DOCK8: variants seen among roughly 807,000 people sequenced by gnomAD.
The protein encoded by DOCK8 is dedicator of cytokinesis 8, also known as dedicator of cytokinesis protein 8.
In DOCK8, 141 loss-of-function variants were observed where a neutral mutation model predicts 245.6. That is an observed-to-expected ratio of 0.57 (90% CI 0.50 to 0.66). The LOEUF (loss-of-function observed/expected upper bound fraction) is 0.66. Ranked by LOEUF, DOCK8 falls within the 30% of genes least tolerant of loss-of-function variation. DOCK8 has a pLI of 0.00. For synonymous variants in DOCK8, 1,168 were observed against 970.2 expected, an observed-to-expected ratio of 1.20 and a Z score of -3.79; for missense variants, 2,965 against 2,603.4, an observed-to-expected ratio of 1.14 and a Z score of -3.02.
At chr9:297,839 T>C (rs1035552401) in intron 4 of DOCK8, among the ~76,000 whole-genome samples, 15 of 152,228 alleles carry the variant, frequency 9.9e-5, no homozygotes, top group Non-Finnish European at 5.9e-5. Context: ...GAAAGTTTGC[T>C]CTGGTTTCAA....
intron 46 of DOCK8, chr9:459,608 GGC>G (rs2057742444): frequency 6.6e-6 from 1 of 152,246 alleles, no homozygotes; most frequent in Admixed American, 6.5e-5. Context: ...GGTGTATTGT[GGC>G]CATGAGAATG....
At chr9:409,470 C>G (rs2055606626) in intron 28 of DOCK8, among the ~76,000 whole-genome samples, 1 of 152,058 alleles carries the variant, frequency 6.6e-6, no homozygotes. Flanking sequence ...GAGTCTGAGT[C>G]ATTTAAAATT....
intron 1 of DOCK8, among the ~76,000 whole-genome samples, chr9:238,212 G>A (rs1450160477): frequency 6.6e-6 from 1 of 152,200 alleles, no homozygotes; most frequent in East Asian, 1.9e-4. Flanking sequence ...TTGAGTCTGA[G>A]TTTGGGGATA....
At chr9:327,875 A>G in intron 8 of DOCK8, 147 bp from the exon 9 acceptor site, 1 of 739,544 alleles carries the variant, frequency 1.4e-6, no homozygotes, top group Middle Eastern at 3.6e-4. Flanking sequence ...AGATTTATCC[A>G]GGAGCCACTT....
chr9:221,655 T>C (rs1032394672), intron 1 of DOCK8, among the ~76,000 whole-genome samples: 1 of 128,822 alleles, frequency 7.8e-6, no homozygotes, highest in African/African-American at 3.0e-5. Context: ...CTACTAAAAG[T>C]ACAAAAAAAA....
intron 1 of DOCK8, among the ~76,000 whole-genome samples, chr9:256,856 G>C (rs560468254): frequency 6.6e-6 from 1 of 152,180 alleles, no homozygotes; most frequent in African/African-American, 2.4e-5. Context: ...CCAGAACTTT[G>C]AGCAAGTGCA....
chr9:386,853 G>T (rs2053977655), intron 23 of DOCK8, among the ~76,000 whole-genome samples: 1 of 152,172 alleles, frequency 6.6e-6, no homozygotes, highest in Non-Finnish European at 1.5e-5. Flanking sequence ...CTTGACAAAA[G>T]TGAATGGCAA....
intron 1 of DOCK8, among the ~76,000 whole-genome samples, chr9:225,758 A>G (rs1437448114): frequency 1.3e-5 from 2 of 152,186 alleles, no homozygotes; most frequent in African/African-American, 4.8e-5. Context: ...TGATACAGAG[A>G]ATGTAAACGG....
intron 24 of DOCK8, among the ~76,000 whole-genome samples, chr9:393,168 A>G (rs1448434422): frequency 6.6e-6 from 1 of 151,942 alleles, no homozygotes; most frequent in African/African-American, 2.4e-5. Context: ...GATAATTCAT[A>G]CAAATAATTC....
intron 23 of DOCK8, 145 bp from the exon 24 acceptor site, chr9:390,326 A>C: frequency 1.3e-6 from 1 of 762,556 alleles, no homozygotes; most frequent in South Asian, 1.5e-5. Context: ...TTTGCCATCC[A>C]CCACTTACTG....
chr9:358,916 G>T lies in DOCK8; in HGVS notation c.1680-9102G>T, dbSNP rs1454836957. On this transcript the variant is annotated intron_variant, in intron 14 of 47. Coordinates refer to ENST00000432829, the MANE Select transcript of DOCK8 (RefSeq NM_203447.4). ...AGCTGCCTAGCAGCCAAGCAATAAA[G>T]GGAATCACAATGAACGATAAGATTC... Among the ~76,000 whole-genome samples, 3 of 152,246 alleles carry T rather than the reference G, an allele frequency of 2.0e-5. 1 individual carries two copies. Among genetic ancestry groups the T allele is most frequent in the Admixed American group, 2.0e-4 (3 of 15,298 alleles).
intron 14 of DOCK8, among the ~76,000 whole-genome samples, chr9:348,799 C>T (rs1025925785): frequency 1.3e-5 from 2 of 152,156 alleles, no homozygotes; most frequent in African/African-American, 4.8e-5. Flanking sequence ...ACTGTTTAGT[C>T]TTATTTCTTT....
chr9:336,611 T>G lies in DOCK8; in HGVS notation c.1315T>G (p.Leu439Val), dbSNP rs763830116. The G allele has an allele frequency of 5.6e-6, 9 of 1,614,078 alleles. No individual in the cohort carries two copies. The highest frequency in any genetic ancestry group is 2.7e-5 in the African/African-American group (2 of 74,934). The change falls in exon 12 of 48, where the codon TTG (leucine) becomes GTG (valine). Residue 439 changes from leucine to valine, a missense_variant. Coordinates refer to ENST00000432829, the MANE Select transcript of DOCK8 (RefSeq NM_203447.4). ...AAGCTCAGTGGGTGAACGGAGGACA[T>G]TGGCCCAATCTAGAAGGCTTTCTGA... is the stretch of plus-strand genomic sequence containing the variant. ...GRSSVGERRTLAQSRRLSERA... is the reference protein window; with the variant it reads ...GRSSVGERRTVAQSRRLSERA...
chr9:400,851 TCACCACCTCCTCCACC>T (rs2054971279), intron 26 of DOCK8, among the ~76,000 whole-genome samples: 2 of 10,116 alleles, frequency 2.0e-4, no homozygotes, highest in Non-Finnish European at 3.3e-4. Context: ...ACCTCCACCA[TCACCACCTCCTCCACC>T]ATCACCACCA....
chr9:247,783 C>G (rs1382950704), intron 1 of DOCK8, among the ~76,000 whole-genome samples: 1 of 152,092 alleles, frequency 6.6e-6, no homozygotes, highest in Non-Finnish European at 1.5e-5. Flanking sequence ...GTGATCCACC[C>G]TCCTCGGCCT....
chr9:247,489 G>A (rs1478882847), intron 1 of DOCK8, among the ~76,000 whole-genome samples: 2 of 151,986 alleles, frequency 1.3e-5, no homozygotes, highest in African/African-American at 4.8e-5. Flanking sequence ...AGTACACTTA[G>A]TGCCTAGTAA....
At chr9:365,231 C>T (rs184029378) in intron 14 of DOCK8, among the ~76,000 whole-genome samples, 1 of 152,158 alleles carries the variant, frequency 6.6e-6, no homozygotes, top group Admixed American at 6.5e-5. Context: ...GTGTAGAAGT[C>T]AAGATCTATT....
upstream of DOCK8, chr9:214,415 T>G (rs560937228): frequency 6.2e-6 from 8 of 1,300,776 alleles, no homozygotes. Flanking sequence ...CTTGCAAAAG[T>G]TGATTTGAAT....
chr9:339,787 G>T (rs58571474), intron 13 of DOCK8, among the ~76,000 whole-genome samples: 6,716 of 152,240 alleles, frequency 0.044, 499 homozygotes, highest in African/African-American at 0.15. Context: ...GTGCTGAGAT[G>T]ACAGGCGTGA....
Sources: gnomAD v4.1 joint callset for allele counts (sites outside exome capture counted in the v4.1 genomes callset) on GRCh38, gnomAD v4.1.1 for gene constraint, MANE v1.5 for transcripts, NCBI Gene and HGNC (gene_info 2026-07-23, HGNC 2026-07-21) for gene names.